Variants in GPR89B observed in about 807,000 individuals in gnomAD.
GPR89B encodes the protein golgi pH regulator B, also known as G protein-coupled receptor 89B.
Under a neutral mutation model 52.4 loss-of-function variants are expected in GPR89B, and 25 were observed. The observed-to-expected ratio is 0.48, with a 90% CI of 0.35 to 0.67. The LOEUF (loss-of-function observed/expected upper bound fraction) is 0.67, where lower values mean the gene tolerates loss of function less well. Among genes scored for constraint, GPR89B ranks in the 30% least tolerant of loss-of-function variants. GPR89B has a pLI of 0.01. For missense variants in GPR89B, 146 were observed against 450.2 expected, an observed-to-expected ratio of 0.32 and a Z score of 6.11; for synonymous variants, 52 against 151.2, an observed-to-expected ratio of 0.34 and a Z score of 4.81.
chr1:147,948,366 T>C (rs1382022835), intron 5 of GPR89B, among the ~76,000 whole-genome samples: 2 of 151,040 alleles, frequency 1.3e-5, no homozygotes, highest in Non-Finnish European at 2.9e-5. Flanking sequence ...ATTATGTCAT[T>C]TTCTAAGACA....
chr1:147,985,309 T>C (rs1443613044), intron 10 of GPR89B, among the ~76,000 whole-genome samples: 1 of 152,060 alleles, frequency 6.6e-6, no homozygotes, highest in African/African-American at 2.4e-5. Context: ...TAGCATAATA[T>C]ATTTTTCTGT....
intron 2 of GPR89B, among the ~76,000 whole-genome samples, chr1:147,938,221 T>C (rs1412962735): frequency 6.6e-6 from 1 of 152,190 alleles, no homozygotes; most frequent in Non-Finnish European, 1.5e-5. Flanking sequence ...TGTTATAGTC[T>C]ACATTTGGGT....
chr1:147,995,191 T>G (rs1439585672), downstream of GPR89B, among the ~76,000 whole-genome samples: 1 of 151,062 alleles, frequency 6.6e-6, no homozygotes, highest in Non-Finnish European at 1.5e-5. Flanking sequence ...ATGATCCTGA[T>G]AACAATCCTA....
At chr1:147,951,742 G>A (rs587659624) in intron 5 of GPR89B, among the ~76,000 whole-genome samples, 36 of 151,894 alleles carry the variant, frequency 2.4e-4, no homozygotes, top group Admixed American at 6.5e-4. Context: ...TACCCCCCTG[G>A]CAGAAAACCA....
chr1:147,947,333 C>CAA (rs1167267658), intron 5 of GPR89B, among the ~76,000 whole-genome samples: 882 of 73,562 alleles, frequency 0.012, 7 homozygotes, highest in African/African-American at 0.035. Context: ...GCGAGACTCT[C>CAA]AAAAAAAAAA....
At chr1:147,931,605 T>G (rs1483821545) in intron 1 of GPR89B, among the ~76,000 whole-genome samples, 2 of 152,026 alleles carry the variant, frequency 1.3e-5, no homozygotes, top group Non-Finnish European at 2.9e-5. Context: ...TTTCAACTTT[T>G]ATTTTATTTT....
intron 10 of GPR89B, among the ~76,000 whole-genome samples, chr1:147,975,736 T>C (rs1657786989): frequency 6.6e-6 from 1 of 152,200 alleles, no homozygotes; most frequent in Non-Finnish European, 1.5e-5. Flanking sequence ...CTAGTTCTTT[T>C]AGTTGTGATG....
chr1:147,952,175 T>C (rs1252640684), intron 5 of GPR89B, among the ~76,000 whole-genome samples: 1 of 152,084 alleles, frequency 6.6e-6, no homozygotes, highest in Non-Finnish European at 1.5e-5. Flanking sequence ...TAGTCAATAG[T>C]GTGAGAGCTC....
chr1:147,941,484 T>G (rs1171546983), intron 3 of GPR89B, among the ~76,000 whole-genome samples: 1 of 151,726 alleles, frequency 6.6e-6, no homozygotes, highest in East Asian at 1.9e-4. Context: ...TAGGGTAGCT[T>G]TTACTGAATG....
At chr1:147,933,922 AC>A (rs1653861414) in intron 1 of GPR89B, among the ~76,000 whole-genome samples, 3 of 152,012 alleles carry the variant, frequency 2.0e-5, no homozygotes, top group Non-Finnish European at 2.9e-5. Context: ...AACCCTCACC[AC>A]CTACAGACTA....
At chr1:147,934,853 G>C (rs1191021244) in intron 1 of GPR89B, among the ~76,000 whole-genome samples, 2 of 152,108 alleles carry the variant, frequency 1.3e-5, no homozygotes, top group African/African-American at 4.8e-5. Flanking sequence ...ATAGCACATA[G>C]GAGTTATTAC....
the GPR89B span, among the ~76,000 whole-genome samples, chr1:148,012,688 C>T: frequency 5.3e-5 from 8 of 151,846 alleles, no homozygotes; most frequent in Non-Finnish European, 8.8e-5. Flanking sequence ...ATAATATCTC[C>T]GTTTCAGGAG....
chr1:147,959,200 G>A (rs1476087207), intron 7 of GPR89B, among the ~76,000 whole-genome samples: 2 of 152,164 alleles, frequency 1.3e-5, no homozygotes, highest in South Asian at 4.1e-4. Context: ...AGAGGCATAC[G>A]TCTTCCTGTT....
intron 5 of GPR89B, among the ~76,000 whole-genome samples, chr1:147,948,214 C>G (rs1655173316): frequency 6.6e-6 from 1 of 151,940 alleles, no homozygotes; most frequent in Admixed American, 6.6e-5. Flanking sequence ...ATTTAAAGGA[C>G]AAGACCAAAG....
chr1:147,991,044 G>C (rs1188790760), intron 12 of GPR89B, among the ~76,000 whole-genome samples: 1 of 151,112 alleles, frequency 6.6e-6, no homozygotes, highest in Non-Finnish European at 1.5e-5. Flanking sequence ...TGGGCAGTAT[G>C]GCCATTTTCA....
At chr1:147,980,943 T>C (rs1658202031) in intron 10 of GPR89B, among the ~76,000 whole-genome samples, 1 of 150,790 alleles carries the variant, frequency 6.6e-6, no homozygotes, top group African/African-American at 2.4e-5. Context: ...TCTCTGTAGA[T>C]TTCCCTATTC....
At chr1:147,948,125 C>A (rs2149049445) in intron 5 of GPR89B, among the ~76,000 whole-genome samples, 1 of 150,872 alleles carries the variant, frequency 6.6e-6, no homozygotes, top group East Asian at 2.0e-4. Flanking sequence ...GAACAGGTTG[C>A]TGTGATAGAG....
intron 10 of GPR89B, among the ~76,000 whole-genome samples, 165 bp downstream of exon 10, chr1:147,970,124 C>T (rs1363530254): frequency 1.3e-5 from 2 of 151,792 alleles, no homozygotes; most frequent in Non-Finnish European, 2.9e-5. Context: ...TATCCTCTCT[C>T]CTTTTTAGAT....
At chr1:148,013,162 G>T in the GPR89B span, among the ~76,000 whole-genome samples, 2 of 152,066 alleles carry the variant, frequency 1.3e-5, no homozygotes, top group Non-Finnish European at 2.9e-5. Flanking sequence ...GGCGTGAGAG[G>T]TTTGGAGGCA....
Sources: allele counts gnomAD v4.1 joint callset (sites outside exome capture counted in the v4.1 genomes callset), GRCh38; gene constraint gnomAD v4.1.1; transcripts MANE v1.5; gene names NCBI Gene and HGNC (gene_info 2026-07-23, HGNC 2026-07-21).